Variants in DRICH1 observed in about 807,000 individuals in gnomAD.
DRICH1 encodes the protein aspartate-rich protein 1.
A neutral mutation model predicts 39.5 loss-of-function variants in DRICH1; 38 were observed. The ratio of observed to expected loss-of-function variants is 0.96; its 90% CI spans 0.74 to 1.26. DRICH1 has a LOEUF of 1.26. Ranked by LOEUF, DRICH1 falls within the 50% of genes most tolerant of loss-of-function variation. DRICH1 has a pLI of 0.00. For missense variants in DRICH1, 279 were observed against 270.4 expected (o/e 1.03, Z -0.22); for synonymous variants, 84 against 99.5 (o/e 0.84, Z 0.93).
chr22:23,614,571 T>C (rs1927241602), intron 8 of DRICH1, among the ~76,000 whole-genome samples: 1 of 152,218 alleles, frequency 6.6e-6, no homozygotes, highest in Non-Finnish European at 1.5e-5. Flanking sequence ...ACTGTGTCAG[T>C]ACACTAGGAT....
At chr22:23,598,068 C>T in the DRICH1 span, among the ~76,000 whole-genome samples, 1 of 150,712 alleles carries the variant, frequency 6.6e-6, no homozygotes. Flanking sequence ...GCAGGGCCAC[C>T]GGAGCTGGGA....
At position 23,626,056 on chromosome 22, in the gene DRICH1, GAC is replaced by G; in HGVS notation, c.209-10_209-9del. ...GGCGGTCCTCAGGGGGACCTAAAAGGACACAGAGTTAATGTCAGTGCCCTGGT... is the reference window on the plus strand; with the variant it reads ...GGCGGTCCTCAGGGGGACCTAAAAGGACAGAGTTAATGTCAGTGCCCTGGT... On this transcript the variant is annotated splice_polypyrimidine_tract_variant and intron_variant, in intron 1 of 11. Transcript: ENST00000317749. The G allele has an allele frequency of 6.2e-7, 1 of 1,608,560 alleles. No individual in the cohort carries two copies. The highest frequency in any genetic ancestry group is 8.5e-7 in the Non-Finnish European group (1 of 1,175,508).
At chr22:23,605,377 G>T (rs569138533), downstream of DRICH1, among the ~76,000 whole-genome samples, 43 of 152,208 alleles carry the variant, frequency 2.8e-4, 1 homozygote, top group South Asian at 8.7e-3. Context: ...GTCAGTCCTA[G>T]GAGGTGACTC....
intron 6 of DRICH1, among the ~76,000 whole-genome samples, chr22:23,618,989 T>C (rs924770373): frequency 2.0e-5 from 3 of 151,692 alleles, no homozygotes; most frequent in African/African-American, 4.8e-5. Context: ...CTGGCCAACA[T>C]GGTAAAACCA....
At chr22:23,610,758 A>G (rs1926984703) in intron 11 of DRICH1, among the ~76,000 whole-genome samples, 1 of 152,050 alleles carries the variant, frequency 6.6e-6, no homozygotes, top group Non-Finnish European at 1.5e-5. Context: ...ACAGTCCCAC[A>G]TAGAACACAT....
chr22:23,596,025 G>C, the DRICH1 span, among the ~76,000 whole-genome samples: 223 of 152,284 alleles, frequency 1.5e-3, no homozygotes, highest in African/African-American at 5.1e-3. Context: ...TCTTCTCACC[G>C]GAGCTCTCAG....
intron 1 of DRICH1, among the ~76,000 whole-genome samples, chr22:23,626,283 C>G (rs1928061452): frequency 1.3e-5 from 2 of 152,058 alleles, no homozygotes; most frequent in Non-Finnish European, 2.9e-5. Context: ...AGATATTAAC[C>G]AATCAAAAAT....
At chr22:23,582,623 T>C in the DRICH1 span, among the ~76,000 whole-genome samples, 1 of 151,168 alleles carries the variant, frequency 6.6e-6, no homozygotes, top group Admixed American at 6.6e-5. Context: ...TGAAGTGCAA[T>C]GGTGCTATCT....
At chr22:23,617,446 T>G (rs1927427549) in intron 7 of DRICH1, 129 bp downstream of exon 7, 1 of 1,069,754 alleles carries the variant, frequency 9.3e-7, no homozygotes, top group South Asian at 1.4e-5. Flanking sequence ...TTGGGCCCCC[T>G]CTCCTGGGAA....
At chr22:23,617,691 G>T (rs1168436114) in intron 6 of DRICH1, 34 bp from the exon 7 acceptor site, 1 of 1,607,690 alleles carries the variant, frequency 6.2e-7, no homozygotes, top group African/African-American at 1.3e-5. Context: ...CCGTGCCCTG[G>T]TTGTTTGTGA....
At chr22:23,598,145 C>T in the DRICH1 span, among the ~76,000 whole-genome samples, 44 of 150,262 alleles carry the variant, frequency 2.9e-4, no homozygotes, top group Admixed American at 9.3e-4. Flanking sequence ...ACCTCGCTGT[C>T]CCTCCAGGCC....
At position 23,631,880 on chromosome 22, in the gene DRICH1, C is replaced by T. The variant is rs1157532140; in HGVS notation, c.144G>A (p.Lys48=). 4 of 1,613,098 alleles carry T rather than the reference C, an allele frequency of 2.5e-6. No homozygotes were observed. The highest frequency in any genetic ancestry group is 3.4e-6 in the Non-Finnish European group (4 of 1,180,028). Residue 48 remains lysine, a synonymous_variant, in exon 1 of 12, where the codon AAG becomes AAA. Transcript: ENST00000317749. ...TSESTTVEPG[K]LDVGATEGQD... ...GGCCCTCCGTGGCTCCCACATCCAG[C>T]TTGCCAGGCTCTACAGTAGTGGATT...
At chr22:23,624,952 T>C (rs766257274) in intron 2 of DRICH1, 48 bp from the exon 3 acceptor site, 81 of 1,594,142 alleles carry the variant, frequency 5.1e-5, no homozygotes, top group Non-Finnish European at 5.4e-5. Context: ...TCAATTCTGC[T>C]GCACCCCCTA....
intron 1 of DRICH1, chr22:23,630,659 C>T (rs1928334930): frequency 1.3e-5 from 2 of 152,192 alleles, no homozygotes; most frequent in Admixed American, 6.6e-5. Context: ...CACACATTTA[C>T]AAACACTACA....
the DRICH1 span, among the ~76,000 whole-genome samples, chr22:23,598,919 C>A: frequency 2.6e-5 from 4 of 152,162 alleles, no homozygotes; most frequent in Admixed American, 2.6e-4. Flanking sequence ...CAGTGAGAGG[C>A]TCTGGCCTGA....
the DRICH1 span, among the ~76,000 whole-genome samples, chr22:23,582,211 T>C: frequency 6.6e-6 from 1 of 151,214 alleles, no homozygotes; most frequent in Non-Finnish European, 1.5e-5. Flanking sequence ...ACTCCTGACC[T>C]CATGATCCAC....
At chr22:23,630,222 A>G (rs8137495) in intron 1 of DRICH1, among the ~76,000 whole-genome samples, 38,724 of 152,042 alleles carry the variant, frequency 0.25, 5,001 homozygotes, top group East Asian at 0.34. Flanking sequence ...TGTTTGGCAC[A>G]CTTATAGGCC....
At chr22:23,597,019 C>T in the DRICH1 span, among the ~76,000 whole-genome samples, 3 of 150,682 alleles carry the variant, frequency 2.0e-5, no homozygotes, top group Non-Finnish European at 4.4e-5. Flanking sequence ...TACTTGGGGG[C>T]TCTGTGGTTA....
chr22:23,624,704 A>C (rs151210757), intron 3 of DRICH1, among the ~76,000 whole-genome samples, 179 bp downstream of exon 3: 106 of 152,212 alleles, frequency 7.0e-4, no homozygotes, highest in African/African-American at 2.3e-3. Context: ...AAATCTCCTC[A>C]TTGGTCCTCT....
Sources: allele counts gnomAD v4.1 joint callset (sites outside exome capture counted in the v4.1 genomes callset), GRCh38; gene constraint gnomAD v4.1.1; transcripts MANE v1.5; gene names NCBI Gene and HGNC (gene_info 2026-07-23, HGNC 2026-07-21).